Variants in SSBP2 observed in about 807,000 individuals in gnomAD.
SSBP2 encodes single stranded DNA binding protein 2.
Under a neutral mutation model 61.8 loss-of-function variants are expected in SSBP2, and 17 were observed. The ratio of observed to expected loss-of-function variants is 0.28; its 90% confidence interval spans 0.19 to 0.41. The LOEUF (loss-of-function observed/expected upper bound fraction) is 0.41, where lower values mean the gene tolerates loss of function less well. Among genes scored for constraint, SSBP2 ranks in the 10% least tolerant of loss-of-function variants. SSBP2 has a pLI of 1.00. For synonymous variants in SSBP2, 139 were observed against 141.3 expected (o/e 0.98, Z 0.12); for missense variants, 310 against 458.7 (o/e 0.68, Z 2.96).
intron 10 of SSBP2, among the ~76,000 whole-genome samples, chr5:81,458,795 T>A (rs1764341563): frequency 6.6e-6 from 1 of 152,218 alleles, no homozygotes; most frequent in African/African-American, 2.4e-5. Flanking sequence ...TTTTTGCTTC[T>A]GTTTCATAGA....
In SSBP2 at chr5:81,577,065, G is replaced by C. The variant is rs1405632039; in HGVS notation, c.282+38408C>G. Among the ~76,000 whole-genome samples, 4 of 151,810 alleles carry C rather than the reference G, an allele frequency of 2.6e-5. No individual in the cohort carries two copies. The South Asian group carries it at 8.3e-4, about 31-fold the overall frequency. ...TATTATAGATGGCATGTTAGTTTAG[G>C]TCACATTTATGATACATCATATAAA... On this transcript the variant is annotated intron_variant, in intron 4 of 16. Coordinates refer to ENST00000320672, the MANE Select transcript of SSBP2 (RefSeq NM_012446.5).
intron 1 of SSBP2, among the ~76,000 whole-genome samples, chr5:81,726,410 C>G (rs1025076187): frequency 2.6e-5 from 4 of 152,082 alleles, no homozygotes; most frequent in African/African-American, 9.7e-5. Flanking sequence ...AACAACAGTA[C>G]AGTAAGTGAA....
chr5:81,510,689 A>G (rs1398294537), intron 5 of SSBP2, among the ~76,000 whole-genome samples: 1 of 151,868 alleles, frequency 6.6e-6, no homozygotes, highest in African/African-American at 2.4e-5. Context: ...TGAACCCAGA[A>G]GGCGGAGGTT....
At chr5:81,604,255 C>CTT (rs1208837769) in intron 4 of SSBP2, among the ~76,000 whole-genome samples, 6 of 138,518 alleles carry the variant, frequency 4.3e-5, no homozygotes, top group Non-Finnish European at 6.3e-5. Flanking sequence ...CTTTTCTTTT[C>CTT]TTTTTTTTTT....
intron 6 of SSBP2, among the ~76,000 whole-genome samples, chr5:81,487,701 T>C (rs546757336): frequency 2.0e-5 from 3 of 151,968 alleles, no homozygotes; most frequent in African/African-American, 7.2e-5. Context: ...CATTATGTAA[T>C]GATTATCACA....
chr5:81,741,136 CCT>C (rs1348832133), intron 1 of SSBP2, among the ~76,000 whole-genome samples: 1 of 152,198 alleles, frequency 6.6e-6, no homozygotes. Context: ...AAATATAAAA[CCT>C]CTGAGACTCA....
chr5:81,736,143 AACACACACACACAC>A (rs58588638), intron 1 of SSBP2, among the ~76,000 whole-genome samples: 4 of 75,338 alleles, frequency 5.3e-5, no homozygotes, highest in Admixed American at 1.6e-4. Context: ...ACTACCCTGA[AACACACACACACAC>A]ACACACACAC....
chr5:81,593,548 C>T, intron 4 of SSBP2, among the ~76,000 whole-genome samples: 1 of 152,100 alleles, frequency 6.6e-6, no homozygotes. Context: ...GTCAGATTCA[C>T]CAAAGTTGAA....
intron 16 of SSBP2, among the ~76,000 whole-genome samples, 183 bp from the exon 17 acceptor site, chr5:81,420,716 T>C (rs1193866878): frequency 6.6e-6 from 1 of 152,180 alleles, no homozygotes; most frequent in Non-Finnish European, 1.5e-5. Context: ...CTTAACTTAG[T>C]ACTGAAATTT....
intron 4 of SSBP2, among the ~76,000 whole-genome samples, chr5:81,522,096 C>A (rs1225176437): frequency 2.0e-5 from 3 of 151,984 alleles, no homozygotes; most frequent in Admixed American, 6.6e-5. Context: ...AAAATGTGTT[C>A]TGTGATATAT....
At chr5:81,518,227 G>A (rs1410350688) in intron 4 of SSBP2, among the ~76,000 whole-genome samples, 1 of 152,144 alleles carries the variant, frequency 6.6e-6, no homozygotes, top group East Asian at 1.9e-4. Flanking sequence ...GGATTAAAGG[G>A]AAGGGTGAGT....
chr5:81,624,113 A>G (rs1346239951), intron 3 of SSBP2, among the ~76,000 whole-genome samples: 1 of 152,176 alleles, frequency 6.6e-6, no homozygotes, highest in East Asian at 1.9e-4. Flanking sequence ...TTCAATTTTA[A>G]AAAAGCCCTA....
At chr5:81,584,537 T>A (rs1774922037) in intron 4 of SSBP2, among the ~76,000 whole-genome samples, 1 of 152,124 alleles carries the variant, frequency 6.6e-6, no homozygotes, top group African/African-American at 2.4e-5. Flanking sequence ...AAAGTTGCTC[T>A]CCAAGTTGTT....
At chr5:81,426,272 T>C (rs998221884) in intron 16 of SSBP2, among the ~76,000 whole-genome samples, 1 of 152,176 alleles carries the variant, frequency 6.6e-6, no homozygotes, top group Admixed American at 6.5e-5. Flanking sequence ...CACATAACAA[T>C]GATATCATTC....
intron 4 of SSBP2, among the ~76,000 whole-genome samples, chr5:81,586,558 C>CT (rs1400626152): frequency 6.9e-6 from 1 of 145,806 alleles, no homozygotes; most frequent in Non-Finnish European, 1.5e-5. Context: ...CATTCCAGTT[C>CT]TGTATTGATT....
At chr5:81,710,721 C>T (rs895356331) in intron 1 of SSBP2, 1 of 454,650 alleles carries the variant, frequency 2.2e-6, no homozygotes, top group South Asian at 1.6e-5. Context: ...GAGGGGATCA[C>T]AAGCATCACC....
intron 10 of SSBP2, 29 bp downstream of exon 10, chr5:81,461,026 T>C (rs369361677): frequency 7.1e-5 from 91 of 1,284,564 alleles, no homozygotes; most frequent in Non-Finnish European, 9.1e-5. Context: ...AAATGCAAAA[T>C]ATTAAAAAAA....
chr5:81,457,838 T>A (rs1344693070), intron 10 of SSBP2, among the ~76,000 whole-genome samples: 1 of 152,002 alleles, frequency 6.6e-6, no homozygotes, highest in Non-Finnish European at 1.5e-5. Flanking sequence ...TTTTTCGTAT[T>A]TTTAGTAGAG....
At chr5:81,698,202 A>G (rs1421941589) in intron 1 of SSBP2, among the ~76,000 whole-genome samples, 6 of 152,182 alleles carry the variant, frequency 3.9e-5, no homozygotes, top group Non-Finnish European at 7.4e-5. Context: ...AGTAAAAAAT[A>G]ATTTTAAGAT....
Sources: gnomAD v4.1 joint callset for allele counts (sites outside exome capture counted in the v4.1 genomes callset) on GRCh38, gnomAD v4.1.1 for gene constraint, MANE v1.5 for transcripts, NCBI Gene and HGNC (gene_info 2026-07-23, HGNC 2026-07-21) for gene names.